Variants in ZNF385D observed in about 807,000 individuals in gnomAD.
The protein encoded by ZNF385D is zinc finger protein 385D.
ZNF385D carries 15 observed loss-of-function variants against 35.8 expected under a neutral mutation model. The observed-to-expected ratio is 0.42, with a 90% CI of 0.28 to 0.64. The LOEUF (loss-of-function observed/expected upper bound fraction) is 0.64. ZNF385D is among the 30% of genes least tolerant of loss of function. The pLI is 0.23. For missense variants in ZNF385D, 474 were observed against 494.6 expected, an observed-to-expected ratio of 0.96 and a Z score of 0.39; for synonymous variants, 212 against 186.8, an observed-to-expected ratio of 1.13 and a Z score of -1.10.
chr3:21,805,795 A>C (rs372190553), intron 3 of ZNF385D, among the ~76,000 whole-genome samples: 4 of 152,300 alleles, frequency 2.6e-5, no homozygotes, highest in African/African-American at 9.6e-5. Context: ...GTCATAATGC[A>C]ATCCTAGTGA....
intron 3 of ZNF385D, among the ~76,000 whole-genome samples, chr3:21,980,778 T>C (rs1694389550): frequency 6.6e-6 from 1 of 152,102 alleles, no homozygotes; most frequent in Non-Finnish European, 1.5e-5. Flanking sequence ...CATAAGTTCT[T>C]ATCATTTGGC....
chr3:21,529,198 A>AC lies in ZNF385D; in HGVS notation c.277-18176_277-18175insG, dbSNP rs2061860849. ...TGTTCCACCTGAAACTAGAGATAGA[A>AC]TATGACTGTGGGGTTTTCTTACCAT... On this transcript the variant is annotated intron_variant, in intron 3 of 7. Coordinates refer to ENST00000281523, the MANE Select transcript of ZNF385D (RefSeq NM_024697.3). Among the ~76,000 whole-genome samples the AC allele has an allele frequency of 2.0e-5, 3 of 152,170 alleles. 1 individual carries two copies. Among genetic ancestry groups the AC allele is most frequent in the Non-Finnish European group, 4.4e-5 (3 of 68,040 alleles).
At chr3:21,558,525 A>G (rs1219461463) in intron 3 of ZNF385D, among the ~76,000 whole-genome samples, 1 of 151,798 alleles carries the variant, frequency 6.6e-6, no homozygotes, top group East Asian at 1.9e-4. Context: ...AGAGAATGTT[A>G]TGATTTCCAT....
At chr3:21,854,170 T>A (rs1361009570) in intron 3 of ZNF385D, among the ~76,000 whole-genome samples, 1 of 150,312 alleles carries the variant, frequency 6.7e-6, no homozygotes, top group Non-Finnish European at 1.5e-5. Context: ...TTAACTTTCC[T>A]TATCTATTTT....
intron 1 of ZNF385D, among the ~76,000 whole-genome samples, chr3:21,707,141 C>A (rs1234850168): frequency 1.3e-5 from 2 of 152,092 alleles, no homozygotes; most frequent in African/African-American, 4.8e-5. Context: ...ATGAATCACA[C>A]TGCCAGGAGA....
At chr3:21,785,247 T>C (rs182990122) in intron 3 of ZNF385D, among the ~76,000 whole-genome samples, 6 of 152,310 alleles carry the variant, frequency 3.9e-5, no homozygotes, top group Non-Finnish European at 7.4e-5. Flanking sequence ...TATTGAGGAA[T>C]AATTGACCAT....
At chr3:21,867,775 G>C (rs1331051603) in intron 3 of ZNF385D, among the ~76,000 whole-genome samples, 2 of 151,422 alleles carry the variant, frequency 1.3e-5, no homozygotes, top group Non-Finnish European at 2.9e-5. Flanking sequence ...AGTCTTTTTA[G>C]TCAGTTTTGA....
intron 2 of ZNF385D, among the ~76,000 whole-genome samples, chr3:22,290,295 C>T (rs1320873378): frequency 1.3e-5 from 2 of 152,114 alleles, no homozygotes; most frequent in Non-Finnish European, 2.9e-5. Context: ...AATATGAATG[C>T]TCTCCTCAGA....
intron 3 of ZNF385D, among the ~76,000 whole-genome samples, chr3:21,926,202 G>A (rs750447860): frequency 1.3e-4 from 20 of 151,878 alleles, no homozygotes; most frequent in Non-Finnish European, 2.1e-4. Context: ...TGTTACATAG[G>A]TATATATGTG....
At chr3:22,227,838 G>A (rs1698652087) in intron 2 of ZNF385D, among the ~76,000 whole-genome samples, 2 of 152,120 alleles carry the variant, frequency 1.3e-5, no homozygotes, top group Admixed American at 1.3e-4. Context: ...GTATAAATAT[G>A]ACTGCAGAAC....
At chr3:21,960,371 CA>C (rs1702520826) in intron 3 of ZNF385D, among the ~76,000 whole-genome samples, 2 of 151,950 alleles carry the variant, frequency 1.3e-5, no homozygotes, top group South Asian at 4.1e-4. Context: ...AAATACAAAT[CA>C]AAACTATAAT....
chr3:22,216,707 T>C (rs1483721488), intron 2 of ZNF385D, among the ~76,000 whole-genome samples: 1 of 152,132 alleles, frequency 6.6e-6, no homozygotes, highest in African/African-American at 2.4e-5. Flanking sequence ...AGCTTACCAA[T>C]ATACCTCATC....
At chr3:21,504,779 G>A (rs757137084) in intron 4 of ZNF385D, among the ~76,000 whole-genome samples, 5 of 152,228 alleles carry the variant, frequency 3.3e-5, no homozygotes, top group African/African-American at 7.2e-5. Flanking sequence ...CAGGAAAGCC[G>A]TGGAAGAGAA....
intron 3 of ZNF385D, among the ~76,000 whole-genome samples, chr3:21,956,946 T>A (rs1417925666): frequency 6.6e-6 from 1 of 152,018 alleles, no homozygotes; most frequent in Non-Finnish European, 1.5e-5. Flanking sequence ...AAATGTCAAC[T>A]TCAGTTGTAT....
chr3:21,418,016 T>C lies in ZNF385D; in HGVS notation c.*3198A>G, dbSNP rs1465392203. The C allele has an allele frequency of 6.6e-6, 1 of 152,192 alleles. No homozygotes were observed. The highest frequency in any genetic ancestry group is 1.9e-4 in the East Asian group (1 of 5,196). 9.4% of individuals were successfully genotyped at this position (152,192 alleles called of 1,614,324 possible). ...GTCCAGTGAGAGGAGCAATTTATCA[T>C]GTGTAATTGCCTGTTTTCTCATAAG... On this transcript the variant is annotated 3_prime_UTR_variant, in exon 8 of 8. Coordinates refer to ENST00000281523, the MANE Select transcript of ZNF385D (RefSeq NM_024697.3).
At chr3:21,854,467 C>A (rs1575781782) in intron 3 of ZNF385D, among the ~76,000 whole-genome samples, 1 of 151,984 alleles carries the variant, frequency 6.6e-6, no homozygotes, top group Non-Finnish European at 1.5e-5. Context: ...GCAACCTTGG[C>A]AATAATATAG....
At chr3:21,788,239 G>C (rs190331734) in intron 3 of ZNF385D, among the ~76,000 whole-genome samples, 6 of 152,244 alleles carry the variant, frequency 3.9e-5, no homozygotes, top group African/African-American at 1.4e-4. Context: ...AGCACTTCGG[G>C]AGGCCGAGGT....
At chr3:21,481,215 A>G (rs931890598) in intron 4 of ZNF385D, among the ~76,000 whole-genome samples, 2 of 152,224 alleles carry the variant, frequency 1.3e-5, no homozygotes, top group African/African-American at 4.8e-5. Context: ...GAGTCACCTC[A>G]GTGGTTTTCA....
intron 3 of ZNF385D, among the ~76,000 whole-genome samples, chr3:22,167,331 T>C (rs1175986310): frequency 6.6e-6 from 1 of 152,208 alleles, no homozygotes; most frequent in African/African-American, 2.4e-5. Context: ...TATCAGCATG[T>C]ACTCTCCTAT....
Sources: gnomAD v4.1 joint callset for allele counts (sites outside exome capture counted in the v4.1 genomes callset) on GRCh38, gnomAD v4.1.1 for gene constraint, MANE v1.5 for transcripts, NCBI Gene and HGNC (gene_info 2026-07-23, HGNC 2026-07-21) for gene names.